TIAM1: variants seen among roughly 807,000 people sequenced by gnomAD.
TIAM1 encodes the protein rho guanine nucleotide exchange factor TIAM1.
TIAM1 carries 65 observed loss-of-function variants against 163.5 expected under a neutral mutation model. That is an observed-to-expected ratio of 0.40 (90% CI 0.33 to 0.49). The LOEUF (loss-of-function observed/expected upper bound fraction) is 0.49. TIAM1 is among the 20% of genes least tolerant of loss of function. TIAM1 has a pLI of 0.77. For missense variants in TIAM1, 1,789 were observed against 2,044.7 expected, an observed-to-expected ratio of 0.87 and a Z score of 2.41; for synonymous variants, 833 against 810.1, an observed-to-expected ratio of 1.03 and a Z score of -0.48.
intron 23 of TIAM1, among the ~76,000 whole-genome samples, chr21:31,133,271 C>T (rs1217195728): frequency 6.6e-6 from 1 of 152,190 alleles, no homozygotes; most frequent in Non-Finnish European, 1.5e-5. Context: ...TAATCCTTCC[C>T]CTTCTCTTTC....
intron 2 of TIAM1, among the ~76,000 whole-genome samples, chr21:31,459,114 T>TACTG (rs1555988556): frequency 6.6e-6 from 1 of 151,168 alleles, no homozygotes. Flanking sequence ...ACTTGATTGC[T>TACTG]ATTGATTGAT....
chr21:31,473,781 G>A (rs1239532843), intron 1 of TIAM1, among the ~76,000 whole-genome samples: 1 of 152,128 alleles, frequency 6.6e-6, no homozygotes, highest in Non-Finnish European at 1.5e-5. Context: ...AACAAAGTCT[G>A]AAATAAGTTC....
At chr21:31,158,462 T>G (rs1052551323) in intron 16 of TIAM1, among the ~76,000 whole-genome samples, 1 of 152,134 alleles carries the variant, frequency 6.6e-6, no homozygotes, top group Non-Finnish European at 1.5e-5. Context: ...CCCTCAGGTG[T>G]AGCACAAGGA....
intron 2 of TIAM1, among the ~76,000 whole-genome samples, chr21:31,403,531 C>T (rs771381590): frequency 6.6e-6 from 1 of 152,162 alleles, no homozygotes; most frequent in Non-Finnish European, 1.5e-5. Context: ...GAAAATCTAC[C>T]AAGCTCTCAG....
At chr21:31,372,584 G>A (rs891271092) in intron 2 of TIAM1, among the ~76,000 whole-genome samples, 9 of 152,210 alleles carry the variant, frequency 5.9e-5, no homozygotes, top group African/African-American at 2.2e-4. Context: ...GTGAAGAGAA[G>A]ATGTGGACAG....
intron 15 of TIAM1, among the ~76,000 whole-genome samples, chr21:31,174,030 A>G (rs1007280086): frequency 6.6e-6 from 1 of 152,190 alleles, no homozygotes; most frequent in Non-Finnish European, 1.5e-5. Flanking sequence ...GTTATCGACA[A>G]ACAAACAGAG....
intron 14 of TIAM1, among the ~76,000 whole-genome samples, chr21:31,183,506 A>C (rs2085131993): frequency 6.6e-6 from 1 of 152,164 alleles, no homozygotes; most frequent in African/African-American, 2.4e-5. Flanking sequence ...ATATGGAAAA[A>C]CCAACTTGAA....
intron 14 of TIAM1, among the ~76,000 whole-genome samples, chr21:31,185,717 C>T (rs116032289): frequency 0.01 from 1,564 of 149,958 alleles, 34 homozygotes; most frequent in African/African-American, 0.036. Flanking sequence ...CTATTACACA[C>T]GAAAGTTACA....
chr21:31,127,262 G>A (rs2082235023), intron 25 of TIAM1, 110 bp from the exon 26 acceptor site: 2 of 900,440 alleles, frequency 2.2e-6, no homozygotes, highest in African/African-American at 3.3e-5. Flanking sequence ...GCAGAACACT[G>A]TATAAGATCA....
chr21:31,197,520 C>T (rs1319314008), intron 12 of TIAM1, among the ~76,000 whole-genome samples: 2 of 149,072 alleles, frequency 1.3e-5, no homozygotes, highest in Non-Finnish European at 3.0e-5. Flanking sequence ...GGACTACAGG[C>T]GCCCGCCACC....
At chr21:31,420,418 C>A (rs2043525451) in intron 2 of TIAM1, among the ~76,000 whole-genome samples, 1 of 152,164 alleles carries the variant, frequency 6.6e-6, no homozygotes, top group Non-Finnish European at 1.5e-5. Context: ...TAGAAAGAAC[C>A]AGTTGACCTT....
intron 2 of TIAM1, among the ~76,000 whole-genome samples, chr21:31,423,970 TA>T (rs2043690740): frequency 6.6e-6 from 1 of 151,610 alleles, no homozygotes; most frequent in African/African-American, 2.4e-5. Flanking sequence ...GAGAATATAC[TA>T]AAAAACCACT....
intron 1 of TIAM1, among the ~76,000 whole-genome samples, chr21:31,502,009 A>T (rs1298640812): frequency 6.6e-6 from 1 of 152,316 alleles, no homozygotes. Context: ...TCAGGGTAAG[A>T]CTAAGAGCAG....
chr21:31,543,664 G>A (rs183748765), intron 1 of TIAM1, among the ~76,000 whole-genome samples: 17 of 152,278 alleles, frequency 1.1e-4, no homozygotes, highest in Admixed American at 3.9e-4. Context: ...CCCAGATCTG[G>A]AAACAGTGTG....
rs1181623292 is a variant in TIAM1 at position 31,251,936 on chromosome 21, G to A, written c.1217C>T (p.Ser406Leu). 12 of 1,613,738 alleles carry A rather than the reference G, an allele frequency of 7.4e-6. No homozygotes were observed. The highest frequency in any genetic ancestry group is 1.3e-5 in the African/African-American group (1 of 74,938). ...GCTGCTCTGCTCATCGCTGTGCGCC[G>A]AGCCGGCCTCCTCCAGGCTCTCGCT... is the stretch of plus-strand genomic sequence containing the variant. ...TNSESLEEAGSAHSDEQSSGT... is the reference protein window; with the variant it reads ...TNSESLEEAGLAHSDEQSSGT... The change falls in exon 5 of 28, where the codon TCG (serine) becomes TTG (leucine). Residue 406 changes from serine to leucine, a missense_variant. Physicochemically the swap from Ser to Leu is moderately radical, Grantham distance 145 (BLOSUM62 -2). Transcript: ENST00000541036.
At chr21:31,256,017 G>T (rs926191582) in intron 4 of TIAM1, among the ~76,000 whole-genome samples, 21 of 152,190 alleles carry the variant, frequency 1.4e-4, no homozygotes, top group Non-Finnish European at 2.8e-4. Flanking sequence ...TACAACAGCT[G>T]TGGGCAAGAG....
At position 31,449,431 on chromosome 21, in the gene TIAM1, T is replaced by C. The variant is rs140582777; in HGVS notation, c.-369+14552A>G. 5.6e-4 allele frequency among the ~76,000 whole-genome samples: 85 copies of C among 152,200 alleles called. 1 individual carries two copies. Among genetic ancestry groups the C allele is most frequent in the African/African-American group, 1.9e-3 (79 of 41,514 alleles). ...TCTTGCTCTGTCTCCCAGGCTGGAG[T>C]ACAGTGGCACAATCTCACTGCACTG... On this transcript the variant is annotated intron_variant, in intron 2 of 28. Coordinates refer to the TIAM1 transcript ENST00000286827.
intron 2 of TIAM1, among the ~76,000 whole-genome samples, chr21:31,404,861 T>G (rs900178399): frequency 6.6e-6 from 1 of 152,158 alleles, no homozygotes; most frequent in African/African-American, 2.4e-5. Flanking sequence ...AAAACACTCA[T>G]GACATTTATC....
chr21:31,309,368 G>C (rs139875319), intron 2 of TIAM1, among the ~76,000 whole-genome samples: 2,609 of 152,284 alleles, frequency 0.017, 40 homozygotes, highest in Non-Finnish European at 0.027. Context: ...TGAGGCAGGA[G>C]AATCACTTGA....
Sources: allele counts gnomAD v4.1 joint callset (sites outside exome capture counted in the v4.1 genomes callset), GRCh38; gene constraint gnomAD v4.1.1; transcripts MANE v1.5; gene names NCBI Gene and HGNC (gene_info 2026-07-23, HGNC 2026-07-21).